The following FHIT variants were observed in gnomAD, a reference collection of about 807,000 sequenced individuals.
FHIT encodes the protein bis(5'-adenosyl)-triphosphatase.
Under a neutral mutation model 17.9 loss-of-function variants are expected in FHIT, and 19 were observed. The observed-to-expected ratio is 1.06, with a 90% confidence interval of 0.74 to 1.56. The LOEUF (loss-of-function observed/expected upper bound fraction) is 1.56, where lower values mean the gene tolerates loss of function less well. FHIT is among the 40% of genes most tolerant of loss of function. The probability of loss-of-function intolerance (pLI) is 0.00; values close to 1 mark genes in which losing one functional copy is unlikely to be tolerated. For synonymous variants in FHIT, 81 were observed against 69.7 expected, an observed-to-expected ratio of 1.16 and a Z score of -0.81; for missense variants, 248 against 189.2, an observed-to-expected ratio of 1.31 and a Z score of -1.82.
chr3:59,984,242 C>G (rs902229103), intron 7 of FHIT, among the ~76,000 whole-genome samples: 1 of 151,980 alleles, frequency 6.6e-6, no homozygotes, highest in African/African-American at 2.4e-5. Context: ...GATCATGAGA[C>G]AGGAATCTGA....
At chr3:60,501,804 T>C (rs1005386277) in intron 5 of FHIT, among the ~76,000 whole-genome samples, 4 of 152,262 alleles carry the variant, frequency 2.6e-5, no homozygotes, top group African/African-American at 9.6e-5. Flanking sequence ...GAAGTGATAC[T>C]GTGTGTTTTA....
chr3:60,532,834 A>G (rs2035836439), intron 5 of FHIT, among the ~76,000 whole-genome samples: 1 of 152,200 alleles, frequency 6.6e-6, no homozygotes, highest in African/African-American at 2.4e-5. Flanking sequence ...AAAGTCAGTG[A>G]GCAAAGTCAT....
At chr3:59,934,701 G>C (rs968176164) in intron 7 of FHIT, among the ~76,000 whole-genome samples, 1 of 152,112 alleles carries the variant, frequency 6.6e-6, no homozygotes, top group Non-Finnish European at 1.5e-5. Context: ...AGAAGGGGAA[G>C]CAAACATATC....
At chr3:60,084,456 T>G (rs748696262) in intron 5 of FHIT, among the ~76,000 whole-genome samples, 1 of 152,120 alleles carries the variant, frequency 6.6e-6, no homozygotes, top group Non-Finnish European at 1.5e-5. Flanking sequence ...CTACGCTATG[T>G]GTGAGGAATT....
At chr3:60,370,946 C>T (rs1404231693) in intron 5 of FHIT, among the ~76,000 whole-genome samples, 2 of 152,200 alleles carry the variant, frequency 1.3e-5, no homozygotes, top group Non-Finnish European at 2.9e-5. Flanking sequence ...ATTCGCTTCT[C>T]TAATAATTTA....
At chr3:60,697,548 T>G (rs893071327) in intron 4 of FHIT, among the ~76,000 whole-genome samples, 1 of 152,186 alleles carries the variant, frequency 6.6e-6, no homozygotes, top group African/African-American at 2.4e-5. Context: ...AAATTCAGAT[T>G]TAACTGGGCA....
intron 5 of FHIT, among the ~76,000 whole-genome samples, chr3:60,073,172 G>A (rs1298021428): frequency 1.3e-5 from 2 of 152,266 alleles, no homozygotes; most frequent in East Asian, 3.9e-4. Context: ...AACCATACAG[G>A]TAAATATTGT....
At chr3:59,950,649 A>G (rs1707071251) in intron 7 of FHIT, among the ~76,000 whole-genome samples, 1 of 152,122 alleles carries the variant, frequency 6.6e-6, no homozygotes, top group Non-Finnish European at 1.5e-5. Flanking sequence ...AGTAAACTCA[A>G]TGGCTCTGTC....
chr3:60,396,061 C>T (rs1439968472), intron 5 of FHIT, among the ~76,000 whole-genome samples: 2 of 152,128 alleles, frequency 1.3e-5, no homozygotes, highest in African/African-American at 2.4e-5. Context: ...ACCACACTAG[C>T]TGGGGCTGAT....
intron 2 of FHIT, among the ~76,000 whole-genome samples, chr3:61,043,489 G>A (rs1326891980): frequency 6.6e-6 from 1 of 152,200 alleles, no homozygotes; most frequent in Admixed American, 6.5e-5. Flanking sequence ...CTCAAACTGG[G>A]TGGAGCCCAC....
chr3:59,832,951 A>G (rs1300762769), intron 8 of FHIT, among the ~76,000 whole-genome samples: 1 of 152,186 alleles, frequency 6.6e-6, no homozygotes, highest in Non-Finnish European at 1.5e-5. Flanking sequence ...GCTACATGTT[A>G]TGATTATGTG....
At chr3:60,313,024 G>A (rs1243134170) in intron 5 of FHIT, among the ~76,000 whole-genome samples, 2 of 152,134 alleles carry the variant, frequency 1.3e-5, no homozygotes, top group Admixed American at 1.3e-4. Flanking sequence ...GATTACAGAT[G>A]AAGAAACAGA....
chr3:61,098,437 T>G (rs2035711441), intron 2 of FHIT, among the ~76,000 whole-genome samples: 2 of 152,180 alleles, frequency 1.3e-5, no homozygotes, highest in South Asian at 4.1e-4. Flanking sequence ...TTGGGCTCTT[T>G]TCTGCTTCCA....
chr3:61,100,268 A>G (rs1413976772), intron 2 of FHIT, among the ~76,000 whole-genome samples: 1 of 151,924 alleles, frequency 6.6e-6, no homozygotes, highest in Non-Finnish European at 1.5e-5. Context: ...TGTCCAAATG[A>G]TCTCATTGTT....
intron 5 of FHIT, among the ~76,000 whole-genome samples, chr3:60,282,638 G>A (rs1195854162): frequency 1.3e-5 from 2 of 152,052 alleles, no homozygotes; most frequent in African/African-American, 4.8e-5. Flanking sequence ...CTAATGCAAG[G>A]TATTAATAGT....
intron 3 of FHIT, among the ~76,000 whole-genome samples, chr3:61,037,993 T>A (rs947195720): frequency 6.6e-6 from 1 of 152,228 alleles, no homozygotes. Flanking sequence ...CAGGGAAAGT[T>A]CTTTACAGAA....
intron 4 of FHIT, among the ~76,000 whole-genome samples, chr3:60,801,758 T>C (rs568339673): frequency 6.6e-6 from 1 of 152,346 alleles, no homozygotes; most frequent in East Asian, 1.9e-4. Context: ...TGTGGAATGT[T>C]TCATTTAAAA....
intron 3 of FHIT, among the ~76,000 whole-genome samples, chr3:60,910,140 C>G (rs1706657144): frequency 6.6e-6 from 1 of 152,118 alleles, no homozygotes; most frequent in African/African-American, 2.4e-5. Flanking sequence ...ATCTCTCCGC[C>G]AGAGATAGGA....
intron 6 of FHIT, among the ~76,000 whole-genome samples, chr3:60,013,662 A>G (rs1316345181): frequency 6.6e-6 from 1 of 152,206 alleles, no homozygotes. Flanking sequence ...AGCAGGGCTT[A>G]GTCTATGCAG....
Sources: gnomAD v4.1 joint callset for allele counts (sites outside exome capture counted in the v4.1 genomes callset) on GRCh38, gnomAD v4.1.1 for gene constraint, MANE v1.5 for transcripts, NCBI Gene and HGNC (gene_info 2026-07-23, HGNC 2026-07-21) for gene names.